ELF2: variants seen among roughly 807,000 people sequenced by gnomAD.
ELF2 encodes the protein E74 like ETS transcription factor 2.
In ELF2, 11 loss-of-function variants were observed where a neutral mutation model predicts 54.8. The ratio of observed to expected loss-of-function variants is 0.20; its 90% CI spans 0.13 to 0.33. The LOEUF (loss-of-function observed/expected upper bound fraction) is 0.33, where lower values mean the gene tolerates loss of function less well. ELF2 is among the 10% of genes least tolerant of loss of function. ELF2 has a pLI of 1.00. For synonymous variants in ELF2, 203 were observed against 245.1 expected (o/e 0.83, Z 1.61); for missense variants, 513 against 703.0 (o/e 0.73, Z 3.06).
At chr4:139,075,198 C>T (rs1166374229) in intron 4 of ELF2, among the ~76,000 whole-genome samples, 1 of 152,216 alleles carries the variant, frequency 6.6e-6, no homozygotes, top group African/African-American at 2.4e-5. Flanking sequence ...ACAATGTGTA[C>T]AGCAGTCAGT....
rs545312484 is a variant in ELF2, at chr4:139,080,201, A to C, written c.239-6634T>G. Among the ~76,000 whole-genome samples the C allele has an allele frequency of 5.2e-4, 79 of 152,348 alleles. No homozygotes were observed. In the South Asian group the frequency reaches 0.016, roughly 32 times the overall value. On this transcript the variant is annotated intron_variant, in intron 4 of 9. Transcript: ENST00000686138. Reference sequence around the variant, plus strand: ...TGATTGGCTATTTACACACTGACTGATGTGACCATGTAACTCAGTTTTTAC... The same window carrying C: ...TGATTGGCTATTTACACACTGACTGCTGTGACCATGTAACTCAGTTTTTAC...
At chr4:139,150,594 A>C (rs1366885141) in intron 1 of ELF2, among the ~76,000 whole-genome samples, 2 of 152,088 alleles carry the variant, frequency 1.3e-5, no homozygotes, top group Non-Finnish European at 2.9e-5. Context: ...GAACTGCTGT[A>C]GTCTATACTA....
chr4:139,139,888 A>C (rs553112659), intron 1 of ELF2, among the ~76,000 whole-genome samples: 26 of 152,266 alleles, frequency 1.7e-4, no homozygotes, highest in African/African-American at 6.3e-4. Flanking sequence ...CAAGTTTGAA[A>C]AATAGGACTA....
rs1560872913 is a variant in ELF2 at position 139,152,046 on chromosome 4, G to T, written c.-251-12549C>A. ...ACATTCAAGAAAAGATAAAATTATA[G>T]AAATAGAAAATAAATCAGTTGGAAG... On this transcript the variant is annotated intron_variant, in intron 1 of 9. Coordinates refer to ENST00000686138, the MANE Select transcript of ELF2 (RefSeq NM_001331036.3). Among the ~76,000 whole-genome samples, 3 of 152,136 alleles carry T rather than the reference G, an allele frequency of 2.0e-5. No homozygotes were observed. The South Asian group carries it at 6.2e-4, about 31-fold the overall frequency.
intron 4 of ELF2, chr4:139,084,348 C>A (rs969179058): frequency 6.6e-7 from 1 of 1,516,082 alleles, no homozygotes; most frequent in South Asian, 1.2e-5. Flanking sequence ...CTTGCGCGTC[C>A]TCCGACAGGA....
intron 1 of ELF2, among the ~76,000 whole-genome samples, chr4:139,147,014 AAAAT>A (rs1739285048): frequency 6.6e-6 from 1 of 152,212 alleles, no homozygotes; most frequent in Non-Finnish European, 1.5e-5. Context: ...AACTAAAACA[AAAAT>A]AAATAAATGG....
chr4:139,101,501 C>G (rs1172643048), intron 4 of ELF2: 1 of 152,198 alleles, frequency 6.6e-6, no homozygotes, highest in African/African-American at 2.4e-5. Context: ...CTCATTAGCC[C>G]TTCCCATTTC....
chr4:139,158,583 T>C (rs1256641625), intron 1 of ELF2, among the ~76,000 whole-genome samples: 2 of 152,018 alleles, frequency 1.3e-5, no homozygotes, highest in East Asian at 3.9e-4. Flanking sequence ...TATTGTGGGG[T>C]TGTTAAAGGG....
At chr4:139,072,253 T>G in intron 5 of ELF2, 1 of 488,488 alleles carries the variant, frequency 2.0e-6, no homozygotes, top group Non-Finnish European at 3.5e-6. Flanking sequence ...GGAAAAATGT[T>G]AATCCTCTGG....
At chr4:139,132,696 A>AT (rs1737618223) in intron 3 of ELF2, among the ~76,000 whole-genome samples, 1 of 151,810 alleles carries the variant, frequency 6.6e-6, no homozygotes, top group Non-Finnish European at 1.5e-5. Flanking sequence ...TATGGCGGTA[A>AT]TGCTCCTATG....
chr4:139,141,011 C>T (rs77610323), intron 1 of ELF2, among the ~76,000 whole-genome samples: 3,016 of 152,176 alleles, frequency 0.02, 38 homozygotes, highest in African/African-American at 0.04. Flanking sequence ...GACTTGCTGC[C>T]TCTGAAGCAT....
At chr4:139,161,672 A>C (rs1278911262) in intron 1 of ELF2, among the ~76,000 whole-genome samples, 4 of 149,544 alleles carry the variant, frequency 2.7e-5, no homozygotes, top group Non-Finnish European at 4.4e-5. Context: ...AAAAAAAAAA[A>C]AAAAAAACTC....
At chr4:139,079,458 T>G (rs1201488517) in intron 4 of ELF2, among the ~76,000 whole-genome samples, 2 of 152,242 alleles carry the variant, frequency 1.3e-5, no homozygotes, top group African/African-American at 4.8e-5. Flanking sequence ...TTACAGATCC[T>G]GTGAAAGGCT....
chr4:139,175,871 A>G (rs1742855240), intron 1 of ELF2, among the ~76,000 whole-genome samples: 2 of 152,208 alleles, frequency 1.3e-5, no homozygotes, highest in South Asian at 4.1e-4. Context: ...TCTGCAGCGA[A>G]TCTGCCTCCT....
chr4:139,151,054 A>AAG (rs1491222458), intron 1 of ELF2, among the ~76,000 whole-genome samples: 3 of 103,576 alleles, frequency 2.9e-5, no homozygotes, highest in African/African-American at 9.2e-5. Flanking sequence ...GAAAGAAAGA[A>AAG]AGAAAGAAAG....
intron 4 of ELF2, among the ~76,000 whole-genome samples, chr4:139,120,784 TC>T (rs1736232535): frequency 1.3e-5 from 2 of 152,158 alleles, no homozygotes; most frequent in Admixed American, 6.6e-5. Flanking sequence ...AATTACTAAC[TC>T]TTGAGATTTA....
intron 3 of ELF2, among the ~76,000 whole-genome samples, chr4:139,132,329 A>G (rs572868536): frequency 1.3e-5 from 2 of 152,254 alleles, no homozygotes; most frequent in East Asian, 1.9e-4. Context: ...TTTCTTATGA[A>G]TTTTCACAAA....
At chr4:139,094,731 CTT>C (rs1462479574) in intron 4 of ELF2, among the ~76,000 whole-genome samples, 1 of 145,704 alleles carries the variant, frequency 6.9e-6, no homozygotes, top group Non-Finnish European at 1.5e-5. Context: ...AAAGATAAGA[CTT>C]GTGTAAAAAA....
intron 4 of ELF2, among the ~76,000 whole-genome samples, chr4:139,106,069 T>C (rs943203760): frequency 5.3e-5 from 8 of 152,154 alleles, no homozygotes; most frequent in Non-Finnish European, 8.8e-5. Context: ...TTAAGAACCA[T>C]TGGCCATGGA....
Sources: allele counts gnomAD v4.1 joint callset (sites outside exome capture counted in the v4.1 genomes callset), GRCh38; gene constraint gnomAD v4.1.1; transcripts MANE v1.5; gene names NCBI Gene and HGNC (gene_info 2026-07-23, HGNC 2026-07-21).